The following PIKFYVE variants were observed in gnomAD, a reference collection of about 807,000 sequenced individuals.
PIKFYVE encodes phosphoinositide kinase, FYVE-type zinc finger containing.
Under a neutral mutation model 257.9 loss-of-function variants are expected in PIKFYVE, and 122 were observed. The ratio of observed to expected loss-of-function variants is 0.47; its 90% CI spans 0.41 to 0.55. The LOEUF is 0.55. PIKFYVE is among the 20% of genes least tolerant of loss of function. The pLI is 0.00. For synonymous variants in PIKFYVE, 892 were observed against 868.9 expected (o/e 1.03, Z -0.47); for missense variants, 2,160 against 2,536.6 (o/e 0.85, Z 3.19).
intron 5 of PIKFYVE, among the ~76,000 whole-genome samples, chr2:208,281,696 A>G (rs190735834): frequency 1.3e-5 from 2 of 152,324 alleles, no homozygotes; most frequent in East Asian, 1.9e-4. Flanking sequence ...ATCTCCTCAA[A>G]TGAGGTGGAA....
At chr2:208,286,020 C>CTAAATAA in intron 6 of PIKFYVE, 87 bp downstream of exon 6, 1 of 1,286,392 alleles carries the variant, frequency 7.8e-7, no homozygotes, top group Non-Finnish European at 1.1e-6. Context: ...AACACTTACC[C>CTAAATAA]TCTTAGAATT....
intron 17 of PIKFYVE, among the ~76,000 whole-genome samples, chr2:208,322,618 A>AT (rs1696385103): frequency 6.6e-6 from 1 of 151,604 alleles, no homozygotes; most frequent in Non-Finnish European, 1.5e-5. Flanking sequence ...GTTTGCATTA[A>AT]TTTGCTTACA....
Position 208,324,213 on chromosome 2 carries a change from A to G in PIKFYVE, c.2262A>G (p.Lys754=), listed in dbSNP as rs1696646882. Residue 754 remains lysine, a synonymous_variant, in exon 18 of 42, where the codon AAA becomes AAG. Coordinates refer to ENST00000264380, the MANE Select transcript of PIKFYVE (RefSeq NM_015040.4). The part of the protein sequence containing the change: ...DVRPTLVLVE[K]TVSRIAQDML... The stretch of plus-strand genomic sequence containing the variant: ...GACCCACCTTGGTTCTTGTTGAGAA[A>G]ACAGTGTCTCGGATTGCCCAGGACA... 3 of 1,613,926 alleles carry G rather than the reference A, an allele frequency of 1.9e-6. No individual in the cohort carries two copies. The highest frequency in any genetic ancestry group is 2.5e-6 in the Non-Finnish European group (3 of 1,179,920).
intron 3 of PIKFYVE, chr2:208,274,149 C>T: frequency 7.6e-7 from 1 of 1,320,790 alleles, no homozygotes; most frequent in South Asian, 1.3e-5. Flanking sequence ...CTGTCAACTC[C>T]ATTATTGGGC....
chr2:208,279,625 A>G (rs531588990), intron 5 of PIKFYVE, among the ~76,000 whole-genome samples: 1 of 152,324 alleles, frequency 6.6e-6, no homozygotes, highest in African/African-American at 2.4e-5. Flanking sequence ...ATGGCTAGCC[A>G]GCTATTCCAG....
chr2:208,338,626 A>G lies in PIKFYVE; in HGVS notation c.4672+58A>G, dbSNP rs567272215. On this transcript the variant is annotated intron_variant, in intron 29 of 41. Coordinates refer to ENST00000264380, the MANE Select transcript of PIKFYVE (RefSeq NM_015040.4). ...AGGATTTAAAGAAATTTCTTATTGT[A>G]TAAGTTGTTTTAAACTGTTTGAGCA... is the stretch of plus-strand genomic sequence containing the variant. The G allele has an allele frequency of 2.8e-4, 431 of 1,545,814 alleles. 6 individuals are homozygous for G. The South Asian group carries it at 4.4e-3, about 16-fold the overall frequency.
rs556162601 is a variant in PIKFYVE at position 208,286,225 on chromosome 2, T to C, written c.821+292T>C. Among the ~76,000 whole-genome samples, 47 of 152,320 alleles carry C rather than the reference T, an allele frequency of 3.1e-4. 1 individual carries two copies. The highest frequency in any genetic ancestry group is 2.6e-3 in the Admixed American group (40 of 15,292). On this transcript the variant is annotated intron_variant, in intron 6 of 41. Transcript: ENST00000264380. ...GCATGTATATAATCTTGATAATATT[T>C]GTTGAACAGGCAACAAATTGAGATT... is the stretch of plus-strand genomic sequence containing the variant.
chr2:208,298,494 A>G, intron 7 of PIKFYVE, 147 bp from the exon 8 acceptor site: 1 of 999,808 alleles, frequency 1.0e-6, no homozygotes, highest in South Asian at 1.4e-5. Context: ...TCCCAATGAT[A>G]ATATCATGCA....
Position 208,340,188 on chromosome 2 carries a change from T to C in PIKFYVE, c.4931+57T>C, listed in dbSNP as rs373998871. On this transcript the variant is annotated intron_variant, in intron 31 of 41. Transcript: ENST00000264380. The stretch of plus-strand genomic sequence containing the variant: ...AGGGGGGTTATTTTTCCTTAGTTGC[T>C]CGCTTCATATTTAAATATATTTATC... 365 of 1,584,734 alleles carry C rather than the reference T, an allele frequency of 2.3e-4. 1 individual carries two copies. In the African/African-American group the frequency reaches 4.3e-3, roughly 19 times the overall value.
chr2:208,322,577 A>T (rs1696380099), intron 17 of PIKFYVE, among the ~76,000 whole-genome samples: 1 of 151,750 alleles, frequency 6.6e-6, no homozygotes, highest in African/African-American at 2.4e-5. Context: ...AGCATAATCA[A>T]GTTTAGAATG....
chr2:208,330,839 G>T, intron 23 of PIKFYVE, 145 bp downstream of exon 23: 2 of 806,048 alleles, frequency 2.5e-6, no homozygotes, highest in Non-Finnish European at 3.8e-6. Flanking sequence ...TTACCTTCCA[G>T]TGCTGTATGT....
rs1391631860 is a variant in PIKFYVE at position 208,348,463 on chromosome 2, C to CT, written c.5374+441dup. Among the ~76,000 whole-genome samples the CT allele has an allele frequency of 2.6e-5, 4 of 151,998 alleles. No homozygotes were observed. In the East Asian group the frequency reaches 7.7e-4, roughly 29 times the overall value. On this transcript the variant is annotated intron_variant, in intron 35 of 41. Transcript: ENST00000264380. ...TCATTTTGACATTTAAAAATTATGT[C>CT]TAATGCTGGGTGAGATGGCCCATGT...
At chr2:208,354,359 T>C (rs1032607919) in intron 40 of PIKFYVE, among the ~76,000 whole-genome samples, 200 bp downstream of exon 40, 5 of 152,232 alleles carry the variant, frequency 3.3e-5, no homozygotes, top group African/African-American at 1.2e-4. Context: ...ATATGTGAAT[T>C]AAAAAAGTCA....
chr2:208,308,915 T>C (rs763671510), intron 12 of PIKFYVE, among the ~76,000 whole-genome samples: 4 of 151,934 alleles, frequency 2.6e-5, no homozygotes, highest in Non-Finnish European at 5.9e-5. Flanking sequence ...ACCCTGTTGG[T>C]CAGGCTGGTC....
intron 6 of PIKFYVE, among the ~76,000 whole-genome samples, chr2:208,286,578 C>T (rs1433296581): frequency 1.3e-5 from 2 of 152,050 alleles, no homozygotes; most frequent in East Asian, 3.9e-4. Flanking sequence ...GCTCTGTCAC[C>T]CAGGCTGGAG....
intron 12 of PIKFYVE, among the ~76,000 whole-genome samples, chr2:208,309,943 A>G (rs896345172): frequency 6.6e-6 from 1 of 152,250 alleles, no homozygotes; most frequent in Admixed American, 6.5e-5. Context: ...AGGTTCCAGC[A>G]TTAGGAAGAA....
intron 35 of PIKFYVE, among the ~76,000 whole-genome samples, chr2:208,348,275 C>T (rs1699424234): frequency 6.6e-6 from 1 of 152,110 alleles, no homozygotes; most frequent in South Asian, 2.1e-4. Context: ...TGTAAAGTGG[C>T]AAAAACAATG....
At chr2:208,315,805 C>G (rs1285395312) in intron 15 of PIKFYVE, among the ~76,000 whole-genome samples, 5 of 151,492 alleles carry the variant, frequency 3.3e-5, no homozygotes, top group African/African-American at 1.2e-4. Context: ...AACACCAATT[C>G]ATAAACTTCT....
In PIKFYVE at chr2:208,305,425, A is replaced by G. The variant is rs73983732; in HGVS notation, c.1636+412A>G. ...AGTAACATAATATTTCACTAAACCCATTAAGATGCTTGAACTAGATTGGGG... is the reference window on the plus strand; with the variant it reads ...AGTAACATAATATTTCACTAAACCCGTTAAGATGCTTGAACTAGATTGGGG... On this transcript the variant is annotated intron_variant, in intron 12 of 41. Coordinates refer to ENST00000264380, the MANE Select transcript of PIKFYVE (RefSeq NM_015040.4). The G allele has an allele frequency of 4.0e-3, 4,172 of 1,037,684 alleles. 112 individuals are homozygous for G. In the African/African-American group the frequency reaches 0.063, roughly 16 times the overall value. 64.3% of individuals were successfully genotyped at this position (1,037,684 alleles called of 1,614,324 possible). A position where few individuals can be genotyped will look rare whatever the true frequency, so the allele number is the denominator to read the frequency against.
Sources: gnomAD v4.1 joint callset for allele counts (sites outside exome capture counted in the v4.1 genomes callset) on GRCh38, gnomAD v4.1.1 for gene constraint, MANE v1.5 for transcripts, NCBI Gene and HGNC (gene_info 2026-07-23, HGNC 2026-07-21) for gene names.